The following CALN1 variants were observed in gnomAD, a reference collection of about 807,000 sequenced individuals.
CALN1 encodes calcium-binding protein 8.
CALN1 carries 17 observed loss-of-function variants against 30.6 expected under a neutral mutation model. The ratio of observed to expected loss-of-function variants is 0.56; its 90% CI spans 0.38 to 0.83. The LOEUF (loss-of-function observed/expected upper bound fraction) is 0.83, where lower values mean the gene tolerates loss of function less well. CALN1 is among the 40% of genes least tolerant of loss of function. The pLI is 0.00. For synonymous variants in CALN1, 156 were observed against 131.4 expected (o/e 1.19, Z -1.28); for missense variants, 291 against 354.9 (o/e 0.82, Z 1.45).
intron 2 of CALN1, among the ~76,000 whole-genome samples, chr7:72,352,180 A>T (rs1020748456): frequency 2.0e-5 from 3 of 151,608 alleles, no homozygotes; most frequent in Non-Finnish European, 2.9e-5. Flanking sequence ...ACAAACAAAC[A>T]AACAAAAAAA....
At chr7:72,351,683 A>G (rs546714217) in intron 2 of CALN1, among the ~76,000 whole-genome samples, 1 of 152,350 alleles carries the variant, frequency 6.6e-6, no homozygotes, top group African/African-American at 2.4e-5. Flanking sequence ...CAGAACACAA[A>G]GAGATACAGC....
intron 2 of CALN1, among the ~76,000 whole-genome samples, chr7:72,359,131 G>T (rs1048585145): frequency 1.3e-5 from 2 of 151,928 alleles, no homozygotes. Context: ...CATTTTCTAG[G>T]AACCCTGCAC....
rs560335626 is a variant in CALN1 at position 71,904,443 on chromosome 7, T to C, written c.502-93951A>G. ...ATTGTTAAGGGAAATAAGCCAGGCATAGAAAGACAAATACCAAATAATCTC... is the reference window on the plus strand; with the variant it reads ...ATTGTTAAGGGAAATAAGCCAGGCACAGAAAGACAAATACCAAATAATCTC... On this transcript the variant is annotated intron_variant, in intron 5 of 6. Coordinates refer to ENST00000395275, the MANE Select transcript of CALN1 (RefSeq NM_031468.4). Among the ~76,000 whole-genome samples the C allele has an allele frequency of 3.3e-5, 5 of 152,304 alleles. No individual in the cohort carries two copies. In the East Asian group the frequency reaches 9.6e-4, roughly 29 times the overall value.
Position 72,272,049 on chromosome 7 carries a change from A to C in CALN1, c.244+6637T>G, listed in dbSNP as rs117489826. 1.3e-4 allele frequency among the ~76,000 whole-genome samples: 17 copies of C among 133,666 alleles called. No individual in the cohort carries two copies. In the East Asian group the frequency reaches 3.9e-3, roughly 31 times the overall value. 87.7% of individuals were successfully genotyped at this position (133,666 alleles called of 152,430 possible). A position where few individuals can be genotyped will look rare whatever the true frequency, so the allele number is the denominator to read the frequency against. On this transcript the variant is annotated intron_variant, in intron 3 of 6. Coordinates refer to ENST00000395275, the MANE Select transcript of CALN1 (RefSeq NM_031468.4). Reference sequence around the variant, plus strand: ...CGCACTCCACCCTGGGTGACACAGCAAGATTCTGTCAAAAAAAAAAAAAAA... The same window carrying C: ...CGCACTCCACCCTGGGTGACACAGCCAGATTCTGTCAAAAAAAAAAAAAAA...
chr7:71,853,138 G>A (rs905308840), intron 5 of CALN1, among the ~76,000 whole-genome samples: 4 of 151,428 alleles, frequency 2.6e-5, no homozygotes, highest in African/African-American at 9.7e-5. Flanking sequence ...GTGCAGTGGT[G>A]CAGTCATAGC....
chr7:72,205,551 A>AAAAATATACATATATATAT, intron 3 of CALN1, among the ~76,000 whole-genome samples: 1 of 83,044 alleles, frequency 1.2e-5, no homozygotes, highest in South Asian at 4.8e-4. Flanking sequence ...GCAAAAAAAA[A>AAAAATATACATATATATAT]ATATATATAT....
chr7:72,441,845 A>T (rs1001663670), intron 1 of CALN1, among the ~76,000 whole-genome samples: 6 of 152,026 alleles, frequency 3.9e-5, no homozygotes, highest in Admixed American at 3.9e-4. Flanking sequence ...GGCTTTAAAT[A>T]CCATCTGTAC....
At chr7:72,354,757 A>G (rs561653922) in intron 2 of CALN1, among the ~76,000 whole-genome samples, 2 of 152,200 alleles carry the variant, frequency 1.3e-5, no homozygotes, top group Non-Finnish European at 2.9e-5. Flanking sequence ...GAAATAAATG[A>G]ACTTTGATAC....
At chr7:72,137,587 G>A (rs759087833) in intron 3 of CALN1, among the ~76,000 whole-genome samples, 8 of 152,168 alleles carry the variant, frequency 5.3e-5, no homozygotes, top group Non-Finnish European at 8.8e-5. Context: ...TCTGCAAGGT[G>A]CAATAAAGTG....
the CALN1 span, among the ~76,000 whole-genome samples, chr7:72,464,160 TTAAC>T: frequency 3.9e-5 from 6 of 151,924 alleles, no homozygotes; most frequent in Non-Finnish European, 8.8e-5. Context: ...GACATTTTAA[TTAAC>T]TGAGTATGGT....
chr7:72,366,479 T>C (rs183025753), intron 2 of CALN1, among the ~76,000 whole-genome samples: 1 of 152,138 alleles, frequency 6.6e-6, no homozygotes, highest in East Asian at 1.9e-4. Flanking sequence ...CCTGATGTAT[T>C]TTTTTTCTTT....
At chr7:72,408,673 T>C (rs570553661) in intron 1 of CALN1, among the ~76,000 whole-genome samples, 214 of 90,970 alleles carry the variant, frequency 2.4e-3, no homozygotes, top group African/African-American at 8.5e-3. Flanking sequence ...TATTATCTTT[T>C]CCTTTTTTTT....
chr7:72,096,371 CCTT>C (rs1029043538), intron 4 of CALN1, among the ~76,000 whole-genome samples: 1 of 152,220 alleles, frequency 6.6e-6, no homozygotes, highest in African/African-American at 2.4e-5. Context: ...TCCACTCAGA[CCTT>C]CTTGCTCCTG....
At chr7:71,847,726 A>AAAG (rs1231812322) in intron 5 of CALN1, among the ~76,000 whole-genome samples, 1 of 110,306 alleles carries the variant, frequency 9.1e-6, no homozygotes, top group South Asian at 3.5e-4. Context: ...AAAGAAGAAG[A>AAAG]AAGAAGAAAG....
intron 5 of CALN1, among the ~76,000 whole-genome samples, chr7:71,947,409 TTTGAG>T (rs567054148): frequency 2.0e-4 from 30 of 152,184 alleles, no homozygotes; most frequent in African/African-American, 7.2e-4. Flanking sequence ...CATCTTTCAG[TTTGAG>T]TTAAAATCCA....
the CALN1 span, among the ~76,000 whole-genome samples, chr7:72,501,948 T>TACACAC: frequency 9.0e-4 from 65 of 72,348 alleles, 4 homozygotes; most frequent in Non-Finnish European, 1.2e-3. Flanking sequence ...TATATATATA[T>TACACAC]ACACACATAT....
At chr7:72,104,071 T>C (rs187786991) in intron 4 of CALN1, 1 of 153,328 alleles carries the variant, frequency 6.5e-6, no homozygotes, top group Non-Finnish European at 1.5e-5. Flanking sequence ...TAGGATTTGT[T>C]TTCCAGGTTG....
intron 5 of CALN1, among the ~76,000 whole-genome samples, chr7:71,982,920 T>C (rs2129527306): frequency 6.6e-6 from 1 of 152,316 alleles, no homozygotes; most frequent in South Asian, 2.1e-4. Context: ...GGCGGCTCCA[T>C]CTTCCCTTCT....
chr7:72,036,113 T>A (rs759083763), intron 4 of CALN1, among the ~76,000 whole-genome samples: 2 of 152,246 alleles, frequency 1.3e-5, no homozygotes, highest in Admixed American at 1.3e-4. Flanking sequence ...TTTTGCTGGA[T>A]ATTCCATTCT....
Sources: gnomAD v4.1 joint callset for allele counts (sites outside exome capture counted in the v4.1 genomes callset) on GRCh38, gnomAD v4.1.1 for gene constraint, MANE v1.5 for transcripts, NCBI Gene and HGNC (gene_info 2026-07-23, HGNC 2026-07-21) for gene names.